The following MVK variants were observed in gnomAD, a reference collection of about 807,000 sequenced individuals.
The protein encoded by MVK is LH receptor mRNA-binding protein.
Under a neutral mutation model 43.2 loss-of-function variants are expected in MVK, and 34 were observed. That is an observed-to-expected ratio of 0.79 (90% CI 0.60 to 1.05). MVK has a LOEUF of 1.05. MVK is among the 50% of genes least tolerant of loss of function. The pLI is 0.00. For missense variants in MVK, 395 were observed against 504.0 expected (o/e 0.78, Z 2.07); for synonymous variants, 190 against 219.8 (o/e 0.86, Z 1.20).
In MVK at chr12:109,595,744, G is replaced by C. The variant is rs538404262; in HGVS notation, c.1039+563G>C. Reference sequence around the variant, plus strand: ...TCCTGGCCTACAGTAGGCACTAACCGGTCCCACCTGCCTCCATTTCCCTCT... The same window carrying C: ...TCCTGGCCTACAGTAGGCACTAACCCGTCCCACCTGCCTCCATTTCCCTCT... On this transcript the variant is annotated intron_variant, in intron 10 of 10. Transcript: ENST00000228510. This position sits in a 1 kb window ranked among gnomAD's most constrained non-coding sequence, Gnocchi z 5.9. 6.6e-6 allele frequency among the ~76,000 whole-genome samples: 1 copy of C among 152,078 alleles called. No individual in the cohort carries two copies. Among genetic ancestry groups the C allele is most frequent in the Non-Finnish European group, 1.5e-5 (1 of 67,994 alleles).
intron 3 of MVK, 125 bp downstream of exon 3, chr12:109,576,270 C>G: frequency 8.3e-7 from 1 of 1,208,214 alleles, no homozygotes; most frequent in Non-Finnish European, 1.2e-6. Flanking sequence ...CTACCCTGAC[C>G]TCATAAAATT....
intron 7 of MVK, among the ~76,000 whole-genome samples, chr12:109,587,370 G>T (rs561887998): frequency 1.3e-5 from 2 of 152,170 alleles, no homozygotes; most frequent in East Asian, 3.8e-4. Context: ...TGTCCCTCCC[G>T]CTGGAATCAT....
chr12:109,591,412 CA>C, intron 9 of MVK, 55 bp downstream of exon 9: 1 of 1,528,732 alleles, frequency 6.5e-7, no homozygotes, highest in Non-Finnish European at 9.0e-7. Context: ...CTGTCCAAGG[CA>C]GTGGCTCTGC....
upstream of MVK, chr12:109,573,529 C>A (rs748326668): frequency 1.3e-6 from 2 of 1,563,064 alleles, no homozygotes; most frequent in Admixed American, 3.7e-5. Context: ...CCCGTCCAGT[C>A]CGCGGGGTGA....
intron 1 of MVK, 35 bp from the exon 2 acceptor site, chr12:109,574,774 A>G: frequency 6.6e-7 from 1 of 1,511,926 alleles, no homozygotes; most frequent in Non-Finnish European, 9.0e-7. Flanking sequence ...TGACATCTAG[A>G]GATCTTTGCT....
intron 9 of MVK, among the ~76,000 whole-genome samples, chr12:109,591,723 T>A (rs1885692341): frequency 6.6e-6 from 1 of 152,222 alleles, no homozygotes; most frequent in Non-Finnish European, 1.5e-5. Context: ...TCTTGGTCAC[T>A]CTCCTGCTAT....
chr12:109,591,270 C>G lies in MVK; in HGVS notation c.798C>G (p.Thr266=). 1 of 1,614,230 alleles carries G rather than the reference C, an allele frequency of 6.2e-7. No homozygotes were observed. Among genetic ancestry groups the G allele is most frequent in the Non-Finnish European group, 8.5e-7 (1 of 1,180,046 alleles). The change falls in exon 9 of 11, where the codon ACC becomes ACG. Residue 266 remains threonine (T), a synonymous_variant. Coordinates refer to ENST00000228510, the MANE Select transcript of MVK (RefSeq NM_000431.4). ...CAGAGATCGTGGCCCCCCTCCTGAC[C>G]TCAATAGATGCCATCTCCCTGGAGT... is the stretch of plus-strand genomic sequence containing the variant. ...KFPEIVAPLL[T]SIDAISLECE...
At chr12:109,584,987 A>G (rs1036001931) in intron 5 of MVK, among the ~76,000 whole-genome samples, 1 of 152,214 alleles carries the variant, frequency 6.6e-6, no homozygotes, top group Admixed American at 6.5e-5. Flanking sequence ...CTGTTTCATG[A>G]GGAAGGGAAT....
chr12:109,575,379 G>A (rs1229815837), intron 2 of MVK, among the ~76,000 whole-genome samples: 1 of 151,734 alleles, frequency 6.6e-6, no homozygotes, highest in Non-Finnish European at 1.5e-5. Context: ...GTAGAGCTTG[G>A]TGTGAACCTA....
chr12:109,596,730 T>A lies in MVK; in HGVS notation c.*153T>A. 8.8e-7 allele frequency: 1 copy of A among 1,132,036 alleles called. No individual in the cohort carries two copies. The highest frequency in any genetic ancestry group is 1.3e-6 in the Non-Finnish European group (1 of 785,150). 70.1% of individuals were successfully genotyped at this position (1,132,036 alleles called of 1,614,324 possible). ...TGGCGATGCCAGCCAAGCTCTGCAG[T>A]CCCAGCGGTGGGACCTAGGGAGGCA... On this transcript the variant is annotated 3_prime_UTR_variant, in exon 11 of 11. Coordinates refer to ENST00000228510, the MANE Select transcript of MVK (RefSeq NM_000431.4).
At chr12:109,575,885 G>C (rs1294034233) in intron 2 of MVK, 113 bp from the exon 3 acceptor site, 1 of 1,270,132 alleles carries the variant, frequency 7.9e-7, no homozygotes, top group Non-Finnish European at 1.1e-6. Context: ...TGTCTGGCAA[G>C]GGCATGGCTA....
intron 10 of MVK, 26 bp from the exon 11 acceptor site, chr12:109,596,400 G>T: frequency 1.2e-6 from 2 of 1,609,970 alleles, no homozygotes; most frequent in Non-Finnish European, 1.7e-6. Context: ...GAGTTGTCAA[G>T]GGTGACCTGC....
intron 2 of MVK, 128 bp downstream of exon 2, chr12:109,575,028 C>A: frequency 1.1e-6 from 1 of 924,482 alleles, no homozygotes; most frequent in Non-Finnish European, 1.7e-6. Flanking sequence ...TCTCCCCAGC[C>A]AGGCAAGGAA....
At chr12:109,573,422 C>T, upstream of MVK, 2 of 1,609,968 alleles carry the variant, frequency 1.2e-6, no homozygotes, top group Non-Finnish European at 1.7e-6. Flanking sequence ...GCCGAAGCAC[C>T]CGCGCAGGCC....
chr12:109,590,160 C>T (rs72648026), intron 7 of MVK: 52 of 177,824 alleles, frequency 2.9e-4, no homozygotes, highest in Middle Eastern at 5.5e-3. Context: ...TGGCACTGCC[C>T]GCACCAGCTA....
intron 7 of MVK, among the ~76,000 whole-genome samples, chr12:109,587,255 A>T (rs1394194571): frequency 6.6e-6 from 1 of 152,152 alleles, no homozygotes; most frequent in Non-Finnish European, 1.5e-5. Flanking sequence ...AGTCACCATG[A>T]TGGAGGCACA....
chr12:109,574,036 G>A (rs1285776630), intron 1 of MVK, among the ~76,000 whole-genome samples, 163 bp downstream of exon 1: 1 of 152,212 alleles, frequency 6.6e-6, no homozygotes, highest in Non-Finnish European at 1.5e-5. Context: ...AGCTTGACAA[G>A]CAAGGGGATT....
At chr12:109,588,180 C>T (rs1885522802) in intron 7 of MVK, 1 of 152,320 alleles carries the variant, frequency 6.6e-6, no homozygotes, top group Non-Finnish European at 1.5e-5. Context: ...CCCGGCCTGT[C>T]TTCAGGAGCC....
Position 109,595,284 on chromosome 12 carries a change from A to T in MVK, c.1039+103A>T. Reference sequence around the variant, plus strand: ...AAAAAGAGACCTGGAAACAGGTCTCAGCTCCGCTGTGTGGCCTTGGGCAAG... The same window carrying T: ...AAAAAGAGACCTGGAAACAGGTCTCTGCTCCGCTGTGTGGCCTTGGGCAAG... On this transcript the variant is annotated intron_variant, in intron 10 of 10. Transcript: ENST00000228510. This position sits in a 1 kb window ranked among gnomAD's most constrained non-coding sequence, Gnocchi z 5.9. The T allele has an allele frequency of 6.9e-7, 1 of 1,454,294 alleles. No individual in the cohort carries two copies. The highest frequency in any genetic ancestry group is 9.3e-7 in the Non-Finnish European group (1 of 1,071,890). The allele number at this position is 1,454,294 out of a possible 1,614,324, so 90.1% of individuals were successfully genotyped here.
Sources: gnomAD v4.1 joint callset for allele counts (sites outside exome capture counted in the v4.1 genomes callset) on GRCh38, gnomAD v4.1.1 for gene constraint, Gnocchi (gnomAD v3.1) non-coding constraint, MANE v1.5 for transcripts, NCBI Gene and HGNC (gene_info 2026-07-23, HGNC 2026-07-21) for gene names.